SRP72: variants seen among roughly 807,000 people sequenced by gnomAD.
The protein encoded by SRP72 is signal recognition particle subunit SRP72.
SRP72 carries 49 observed loss-of-function variants against 96.3 expected under a neutral mutation model. The ratio of observed to expected loss-of-function variants is 0.51; its 90% CI spans 0.40 to 0.65. The LOEUF (loss-of-function observed/expected upper bound fraction) is 0.65. Among genes scored for constraint, SRP72 ranks in the 30% least tolerant of loss-of-function variants. The pLI is 0.00. For synonymous variants in SRP72, 267 were observed against 275.2 expected (o/e 0.97, Z 0.30); for missense variants, 736 against 793.3 (o/e 0.93, Z 0.87).
intron 9 of SRP72, 80 bp from the exon 10 acceptor site, chr4:56,484,656 T>G: frequency 1.3e-6 from 2 of 1,560,510 alleles, no homozygotes; most frequent in Non-Finnish European, 1.8e-6. Context: ...GATTTTCCCA[T>G]GTTTCTTTTC....
chr4:56,490,702 G>T, intron 15 of SRP72, 57 bp downstream of exon 15: 1 of 1,430,814 alleles, frequency 7.0e-7, no homozygotes, highest in Middle Eastern at 1.8e-4. Flanking sequence ...GATCTCTTCT[G>T]ATATCTGTGT....
chr4:56,495,774 TA>T (rs1721056603), intron 17 of SRP72, among the ~76,000 whole-genome samples: 1 of 152,204 alleles, frequency 6.6e-6, no homozygotes, highest in South Asian at 2.1e-4. Flanking sequence ...CTGCTACACA[TA>T]ACTACAAAAT....
Position 56,469,681 on chromosome 4 carries a change from TG to T in SRP72, c.139del (p.Ala47ProfsTer19). 3.1e-6 allele frequency: 5 copies of T among 1,608,064 alleles called. No homozygotes were observed. Among genetic ancestry groups the T allele is most frequent in the Non-Finnish European group, 3.4e-6 (4 of 1,175,726 alleles). ...TACAGATCAACAAAGATGACGTAAC[TG>T]CCCTGCATTGTAAAGTGGTATGCCT... ...ILQINKDDVT[A>X]LHCKVVCLIQ... On this transcript the variant is annotated frameshift_variant, in exon 2 of 19. Coordinates refer to ENST00000642900, the MANE Select transcript of SRP72 (RefSeq NM_006947.4). LOFTEE classifies it high-confidence loss of function.
At chr4:56,480,267 AT>A (rs916385591) in intron 8 of SRP72, among the ~76,000 whole-genome samples, 31 of 151,650 alleles carry the variant, frequency 2.0e-4, no homozygotes, top group Admixed American at 3.9e-4. Flanking sequence ...GTCAGGACAA[AT>A]TTTTTTTTCC....
intron 8 of SRP72, among the ~76,000 whole-genome samples, chr4:56,481,535 A>G (rs989063511): frequency 3.3e-5 from 5 of 152,096 alleles, no homozygotes; most frequent in Admixed American, 1.3e-4. Context: ...TTGCTTGGCT[A>G]AGAAGAAGGG....
At chr4:56,489,196 T>A in intron 12 of SRP72, 192 bp from the exon 13 acceptor site, 1 of 415,416 alleles carries the variant, frequency 2.4e-6, no homozygotes, top group Non-Finnish European at 4.3e-6. Flanking sequence ...ACCTTCATAT[T>A]TGGAAAACAC....
rs1236257125 is a variant in SRP72 at position 56,487,975 on chromosome 4, T to C, written c.1186T>C (p.Leu396=). The change falls in exon 12 of 19, where the codon TTG becomes CTG. Residue 396 remains leucine (L), a synonymous_variant. Transcript: ENST00000642900. Reference sequence around the variant, plus strand: ...TAATATTTCTAAAGCATGTCTAATATTGAGAAGCATAGAGGAGTTAAAGCA... The same window carrying C: ...TAATATTTCTAAAGCATGTCTAATACTGAGAAGCATAGAGGAGTTAAAGCA... ...QGNISKACLI[L]RSIEELKHKP... The C allele has an allele frequency of 1.9e-6, 3 of 1,602,320 alleles. No homozygotes were observed. Among genetic ancestry groups the C allele is most frequent in the Admixed American group, 3.6e-5 (2 of 56,202 alleles).
intron 8 of SRP72, among the ~76,000 whole-genome samples, chr4:56,482,043 C>T (rs1470881724): frequency 6.6e-6 from 1 of 151,376 alleles, no homozygotes; most frequent in Non-Finnish European, 1.5e-5. Flanking sequence ...GGATTACAGG[C>T]GTGAGCCACT....
intron 8 of SRP72, among the ~76,000 whole-genome samples, chr4:56,481,464 T>G (rs559030969): frequency 3.3e-5 from 5 of 152,302 alleles, no homozygotes; most frequent in African/African-American, 1.2e-4. Flanking sequence ...TAGGACTTTC[T>G]TTGGGCAGAT....
At position 56,478,457 on chromosome 4, in the gene SRP72, C is replaced by G. The variant is rs777971605; in HGVS notation, c.721C>G (p.Arg241Gly). Reference protein sequence around the residue: ...QMAYILQLQGRTEEALQLYNQ... With the variant: ...QMAYILQLQGGTEEALQLYNQ... ...GGCTTATATTCTGCAGCTTCAGGGTCGAACAGAGGAGGCTTTGCAACTTTA... is the reference window on the plus strand; with the variant it reads ...GGCTTATATTCTGCAGCTTCAGGGTGGAACAGAGGAGGCTTTGCAACTTTA... The change falls in exon 7 of 19, where the codon CGA (arginine) becomes GGA (glycine). Residue 241 changes from arginine to glycine, a missense_variant. By Grantham distance (125) the Arg-to-Gly change is moderately radical (BLOSUM62 -2). Coordinates refer to ENST00000642900, the MANE Select transcript of SRP72 (RefSeq NM_006947.4). The G allele has an allele frequency of 5.6e-6, 9 of 1,613,634 alleles. No individual in the cohort carries two copies. The highest frequency in any genetic ancestry group is 6.8e-6 in the Non-Finnish European group (8 of 1,179,962).
intron 2 of SRP72, 86 bp downstream of exon 2, chr4:56,469,859 G>T (rs1270066950): frequency 2.1e-5 from 27 of 1,284,210 alleles, no homozygotes; most frequent in East Asian, 2.7e-5. Context: ...CCAACTATTT[G>T]CTGATTTTTT....
rs1219978773 is a variant in SRP72 at position 56,476,719 on chromosome 4, T to A, written c.642+17T>A. 1 of 1,611,554 alleles carries A rather than the reference T, an allele frequency of 6.2e-7. No homozygotes were observed. Among genetic ancestry groups the A allele is most frequent in the Admixed American group, 1.7e-5 (1 of 59,808 alleles). On this transcript the variant is annotated intron_variant, in intron 6 of 18. Coordinates refer to ENST00000642900, the MANE Select transcript of SRP72 (RefSeq NM_006947.4). ...GAAGACACTGTAAGTATTCCATCAT[T>A]GTTAAACCTAAATTTTACACTTCTG... is the stretch of plus-strand genomic sequence containing the variant.
chr4:56,474,705 A>C (rs1200648066), intron 5 of SRP72, among the ~76,000 whole-genome samples: 3 of 151,796 alleles, frequency 2.0e-5, no homozygotes, highest in Non-Finnish European at 4.4e-5. Context: ...CACCACACCC[A>C]GCTAATTTTT....
At chr4:56,496,537 G>A (rs1021054813) in intron 17 of SRP72, among the ~76,000 whole-genome samples, 6 of 152,048 alleles carry the variant, frequency 3.9e-5, no homozygotes, top group African/African-American at 1.2e-4. Context: ...GACTGTAGGT[G>A]GTAATAACCT....
intron 17 of SRP72, among the ~76,000 whole-genome samples, chr4:56,495,924 G>C (rs1334476209): frequency 6.6e-6 from 1 of 152,146 alleles, no homozygotes; most frequent in Admixed American, 6.5e-5. Flanking sequence ...AGAGTCATAT[G>C]ATGTATATTG....
chr4:56,473,765 CAAAAAA>C (rs201143094), intron 3 of SRP72, among the ~76,000 whole-genome samples: 6 of 141,672 alleles, frequency 4.2e-5, no homozygotes, highest in Admixed American at 1.4e-4. Flanking sequence ...AACTCCGTCT[CAAAAAA>C]AAAAGAAAAA....
chr4:56,487,426 A>G lies in SRP72; in HGVS notation c.1160-523A>G, dbSNP rs560746363. Among the ~76,000 whole-genome samples the G allele has an allele frequency of 3.7e-4, 56 of 151,284 alleles. No individual in the cohort carries two copies. In the South Asian group the frequency reaches 0.011, roughly 31 times the overall value. On this transcript the variant is annotated intron_variant, in intron 11 of 18. Coordinates refer to ENST00000642900, the MANE Select transcript of SRP72 (RefSeq NM_006947.4). ...TGATCTTTCCTCCTATGTTTAGTTT[A>G]TTTTTTCAAGGATTATTTATTATCT... is the stretch of plus-strand genomic sequence containing the variant.
Position 56,471,703 on chromosome 4 carries a change from T to G in SRP72, c.231-17T>G. The G allele has an allele frequency of 6.2e-7, 1 of 1,611,708 alleles. No homozygotes were observed. The highest frequency in any genetic ancestry group is 2.2e-5 in the East Asian group (1 of 44,822). ...TGTTAGATAATAATCAGATACTGTT[T>G]TTTTTTCCTTCTTCAGTAACTCTCT... On this transcript the variant is annotated splice_polypyrimidine_tract_variant and intron_variant, in intron 2 of 18. Coordinates refer to ENST00000642900, the MANE Select transcript of SRP72 (RefSeq NM_006947.4).
intron 2 of SRP72, among the ~76,000 whole-genome samples, chr4:56,471,323 C>T (rs913438105): frequency 3.9e-5 from 6 of 152,078 alleles, no homozygotes; most frequent in Non-Finnish European, 7.4e-5. Context: ...TCATTTGTTT[C>T]TTAAACAAGT....
Sources: gnomAD v4.1 joint callset for allele counts (sites outside exome capture counted in the v4.1 genomes callset) on GRCh38, gnomAD v4.1.1 for gene constraint, MANE v1.5 for transcripts, NCBI Gene and HGNC (gene_info 2026-07-23, HGNC 2026-07-21) for gene names.